Variants in TNFRSF1B observed in about 807,000 individuals in gnomAD.
TNFRSF1B encodes the protein TNF receptor superfamily member 1B.
TNFRSF1B carries 19 observed loss-of-function variants against 44.6 expected under a neutral mutation model. The observed-to-expected ratio is 0.43, with a 90% CI of 0.30 to 0.62. The LOEUF is 0.62. TNFRSF1B is among the 20% of genes least tolerant of loss of function. TNFRSF1B has a pLI of 0.16. For missense variants in TNFRSF1B, 541 were observed against 619.9 expected (o/e 0.87, Z 1.35); for synonymous variants, 252 against 261.1 (o/e 0.97, Z 0.34).
At chr1:12,191,645 G>A in intron 3 of TNFRSF1B, 129 bp from the exon 4 acceptor site, 8 of 1,141,812 alleles carry the variant, frequency 7.0e-6, no homozygotes, top group Non-Finnish European at 1.0e-5. Context: ...GGTGTTGTGT[G>A]TGCCCCATGC....
chr1:12,172,613 T>C (rs997712838), intron 1 of TNFRSF1B, among the ~76,000 whole-genome samples: 1 of 152,218 alleles, frequency 6.6e-6, no homozygotes, highest in Non-Finnish European at 1.5e-5. Context: ...CCAGAGTTCC[T>C]GTCTAAGTGG....
In TNFRSF1B at chr1:12,167,083, C is replaced by T. The variant is rs1183193797; in HGVS notation, c.-9C>T. On this transcript the variant is annotated 5_prime_UTR_variant, in exon 1 of 10. Coordinates refer to ENST00000376259, the MANE Select transcript of TNFRSF1B (RefSeq NM_001066.3). ...GAGGGCAGGGGGCAACCGGACCCCG[C>T]CCGCACCCATGGCGCCCGTCGCCGT... The T allele has an allele frequency of 2.3e-6, 3 of 1,321,354 alleles. No individual in the cohort carries two copies. The highest frequency in any genetic ancestry group is 3.9e-5 in the South Asian group (2 of 51,878). The allele number at this position is 1,321,354 out of a possible 1,614,324, so 81.9% of individuals were successfully genotyped here.
intron 8 of TNFRSF1B, among the ~76,000 whole-genome samples, chr1:12,196,574 T>G (rs902798251): frequency 6.6e-6 from 1 of 152,186 alleles, no homozygotes; most frequent in African/African-American, 2.4e-5. Flanking sequence ...TCAGATAGAT[T>G]GATTTCATCC....
intron 1 of TNFRSF1B, among the ~76,000 whole-genome samples, chr1:12,174,154 T>C (rs541177343): frequency 0.012 from 862 of 73,452 alleles, 14 homozygotes; most frequent in Admixed American, 0.035. Flanking sequence ...TTCTTCTTCT[T>C]CTTCTTCTTC....
chr1:12,192,308 A>T, intron 4 of TNFRSF1B, 123 bp from the exon 5 acceptor site: 3 of 659,982 alleles, frequency 4.5e-6, no homozygotes, highest in Non-Finnish European at 7.9e-6. Context: ...GTGTGTGTGT[A>T]AGGGGTGGAG....
chr1:12,187,282 T>C lies in TNFRSF1B; in HGVS notation c.79-1514T>C, dbSNP rs1226788189. Among the ~76,000 whole-genome samples, 1 of 151,806 alleles carries C rather than the reference T, an allele frequency of 6.6e-6. No individual in the cohort carries two copies. Among genetic ancestry groups the C allele is most frequent in the Non-Finnish European group, 1.5e-5 (1 of 67,960 alleles). ...GATTCTCCTGCCTCAGCCTCCAGAG[T>C]AGCTGGGATTACAGGCACACGCCAC... On this transcript the variant is annotated intron_variant, in intron 1 of 9. Transcript: ENST00000376259. This position sits in a 1 kb window ranked among gnomAD's most constrained non-coding sequence, Gnocchi z 5.5.
intron 1 of TNFRSF1B, among the ~76,000 whole-genome samples, chr1:12,175,123 C>A (rs1638624688): frequency 6.6e-6 from 1 of 152,134 alleles, no homozygotes; most frequent in Non-Finnish European, 1.5e-5. Context: ...GGGGGGAGGA[C>A]ATCTTCCGAG....
Position 12,171,715 on chromosome 1 carries a change from G to T in TNFRSF1B, c.78+4546G>T, listed in dbSNP as rs933460013. Among the ~76,000 whole-genome samples the T allele has an allele frequency of 6.6e-6, 1 of 152,138 alleles. No homozygotes were observed. Among genetic ancestry groups the T allele is most frequent in the Admixed American group, 6.6e-5 (1 of 15,260 alleles). On this transcript the variant is annotated intron_variant, in intron 1 of 9. Transcript: ENST00000376259. This position sits in a 1 kb window ranked among gnomAD's most constrained non-coding sequence, Gnocchi z 4.5. The stretch of plus-strand genomic sequence containing the variant: ...TGTCCCGTGAGCTGTAGGATGTTTA[G>T]CGACATCCCTGGCCTCTACTTATTG...
Position 12,180,308 on chromosome 1 carries a change from A to G in TNFRSF1B, c.79-8488A>G, listed in dbSNP as rs1036484862. Among the ~76,000 whole-genome samples, 4 of 152,204 alleles carry G rather than the reference A, an allele frequency of 2.6e-5. No homozygotes were observed. Among genetic ancestry groups the G allele is most frequent in the African/African-American group, 9.7e-5 (4 of 41,448 alleles). On this transcript the variant is annotated intron_variant, in intron 1 of 9. Coordinates refer to ENST00000376259, the MANE Select transcript of TNFRSF1B (RefSeq NM_001066.3). This position sits in a 1 kb window ranked among gnomAD's most constrained non-coding sequence, Gnocchi z 4.3. ...AATAATAAAGCCATGAAGATCCCCA[A>G]AGAAGGCTGTGCTAATGGCGGCCGG...
intron 1 of TNFRSF1B, among the ~76,000 whole-genome samples, chr1:12,174,589 C>A (rs1273983027): frequency 1.3e-5 from 2 of 152,184 alleles, no homozygotes; most frequent in Non-Finnish European, 2.9e-5. Context: ...GGAATTGTCA[C>A]CCTGGAGGTT....
intron 8 of TNFRSF1B, among the ~76,000 whole-genome samples, chr1:12,196,908 G>C (rs897037352): frequency 6.6e-6 from 1 of 151,652 alleles, no homozygotes; most frequent in Non-Finnish European, 1.5e-5. Flanking sequence ...GATGTCCTGG[G>C]TGTGGCCTAG....
Position 12,172,929 on chromosome 1 carries a change from C to T in TNFRSF1B, c.78+5760C>T, listed in dbSNP as rs139889758. Among the ~76,000 whole-genome samples the T allele has an allele frequency of 3.0e-4, 45 of 152,322 alleles. 1 individual carries two copies. Among genetic ancestry groups the T allele is most frequent in the African/African-American group, 9.4e-4 (39 of 41,566 alleles). On this transcript the variant is annotated intron_variant, in intron 1 of 9. Transcript: ENST00000376259. ...GCACGGGAAGATTCCAGGCCATCTC[C>T]AAAACCTCTTCCATCTCCAACCTCT...
In TNFRSF1B at chr1:12,168,538, G is replaced by T. The variant is rs1638445886; in HGVS notation, c.78+1369G>T. On this transcript the variant is annotated intron_variant, in intron 1 of 9. Coordinates refer to ENST00000376259, the MANE Select transcript of TNFRSF1B (RefSeq NM_001066.3). This position sits in a 1 kb window ranked among gnomAD's most constrained non-coding sequence, Gnocchi z 4.7. ...GGTCATGCCATATACTCTGGCCTCA[G>T]AGGGGGTCTTCCTGCCGCTGAGCTT... is the stretch of plus-strand genomic sequence containing the variant. Among the ~76,000 whole-genome samples, 1 of 152,158 alleles carries T rather than the reference G, an allele frequency of 6.6e-6. No homozygotes were observed. The highest frequency in any genetic ancestry group is 1.5e-5 in the Non-Finnish European group (1 of 68,018).
chr1:12,204,339 G>A (rs1281605571), intron 9 of TNFRSF1B, among the ~76,000 whole-genome samples: 1 of 152,160 alleles, frequency 6.6e-6, no homozygotes, highest in Non-Finnish European at 1.5e-5. Flanking sequence ...GGGTGCTGTG[G>A]AGGCTCAGGG....
Position 12,202,002 on chromosome 1 carries a change from G to A in TNFRSF1B, c.936G>A (p.Gln312=). The change falls in exon 9 of 10, where the codon CAG becomes CAA. Residue 312 remains glutamine, a synonymous_variant. Transcript: ENST00000376259. ...HLPADKARGT[Q]GPEQQHLLIT... is the part of the protein sequence containing the mutation. The stretch of plus-strand genomic sequence containing the variant: ...CTGCCGATAAGGCCCGGGGTACACA[G>A]GGCCCCGAGCAGCAGCACCTGCTGA... The A allele has an allele frequency of 6.2e-7, 1 of 1,613,044 alleles. No individual in the cohort carries two copies. Among genetic ancestry groups the A allele is most frequent in the South Asian group, 1.1e-5 (1 of 90,912 alleles).
At chr1:12,204,708 C>A (rs1279841918) in intron 9 of TNFRSF1B, among the ~76,000 whole-genome samples, 2 of 152,192 alleles carry the variant, frequency 1.3e-5, no homozygotes, top group Non-Finnish European at 2.9e-5. Context: ...CTGCATCTGG[C>A]TCCCAAGGGA....
At position 12,185,023 on chromosome 1, in the gene TNFRSF1B, G is replaced by A. The variant is rs974204600; in HGVS notation, c.79-3773G>A. On this transcript the variant is annotated intron_variant, in intron 1 of 9. Coordinates refer to ENST00000376259, the MANE Select transcript of TNFRSF1B (RefSeq NM_001066.3). The stretch of plus-strand genomic sequence containing the variant: ...GGGATAGGCACAGCCCCTGCCCTTG[G>A]GGAAGCGCCCAGCAGCAGCCTTCAG... Among the ~76,000 whole-genome samples, 16 of 152,328 alleles carry A rather than the reference G, an allele frequency of 1.1e-4. No individual in the cohort carries two copies. In the South Asian group the frequency reaches 3.1e-3, roughly 30 times the overall value.
chr1:12,183,691 TCTA>T lies in TNFRSF1B; in HGVS notation c.79-5104_79-5102del, dbSNP rs1262314896. ...ATCTATCTATCTATCTATCTATCTA[TCTA>T]TCTATCTATCTATCTATTCTATCTA... On this transcript the variant is annotated intron_variant, in intron 1 of 9. Transcript: ENST00000376259. Among the ~76,000 whole-genome samples, 699 of 128,798 alleles carry T rather than the reference TCTA, an allele frequency of 5.4e-3. 2 individuals are homozygous for T. The highest frequency in any genetic ancestry group is 9.9e-3 in the African/African-American group (364 of 36,594). The allele number at this position is 128,798 out of a possible 152,430, so 84.5% of individuals were successfully genotyped here.
chr1:12,183,058 G>C (rs1266471606), intron 1 of TNFRSF1B, among the ~76,000 whole-genome samples: 1 of 152,266 alleles, frequency 6.6e-6, no homozygotes, highest in Non-Finnish European at 1.5e-5. Flanking sequence ...GAATGTCAGT[G>C]AGAAGACCAG....
Sources: allele counts gnomAD v4.1 joint callset (sites outside exome capture counted in the v4.1 genomes callset), GRCh38; gene constraint gnomAD v4.1.1; non-coding constraint Gnocchi (gnomAD v3.1); transcripts MANE v1.5; gene names NCBI Gene and HGNC (gene_info 2026-07-23, HGNC 2026-07-21).